CDH18: variants seen among roughly 807,000 people sequenced by gnomAD.
The protein encoded by CDH18 is cadherin-18.
Under a neutral mutation model 67.9 loss-of-function variants are expected in CDH18, and 31 were observed. That is an observed-to-expected ratio of 0.46 (90% CI 0.34 to 0.62). The LOEUF (loss-of-function observed/expected upper bound fraction) is 0.62. Ranked by LOEUF, CDH18 falls within the 20% of genes least tolerant of loss-of-function variation. The pLI is 0.01. For missense variants in CDH18, 890 were observed against 975.5 expected, an observed-to-expected ratio of 0.91 and a Z score of 1.17; for synonymous variants, 362 against 347.2, an observed-to-expected ratio of 1.04 and a Z score of -0.48.
chr5:20,333,901 TAA>T (rs67783370), intron 1 of CDH18, among the ~76,000 whole-genome samples: 95,103 of 151,558 alleles, frequency 0.63, 31,195 homozygotes, highest in Non-Finnish European at 0.73. Context: ...TAAAAAGACA[TAA>T]GTTATTCCTA....
intron 2 of CDH18, among the ~76,000 whole-genome samples, chr5:20,223,948 T>C (rs1741418636): frequency 1.3e-5 from 2 of 152,172 alleles, no homozygotes; most frequent in African/African-American, 2.4e-5. Context: ...TTGTCATTTC[T>C]GGATGAGAAA....
At chr5:20,199,063 G>A (rs1296337010) in intron 2 of CDH18, among the ~76,000 whole-genome samples, 7 of 152,188 alleles carry the variant, frequency 4.6e-5, no homozygotes, top group Non-Finnish European at 1.0e-4. Context: ...CTTTGCTAGG[G>A]CAATGCAGCA....
intron 4 of CDH18, 113 bp downstream of exon 4, chr5:19,746,829 A>G: frequency 1.2e-6 from 1 of 830,854 alleles, no homozygotes; most frequent in South Asian, 1.8e-5. Flanking sequence ...TTGAAACTTC[A>G]TATTTATATC....
intron 2 of CDH18, among the ~76,000 whole-genome samples, chr5:20,095,647 C>T (rs549258506): frequency 2.7e-4 from 41 of 150,414 alleles, no homozygotes; most frequent in Admixed American, 2.7e-3. Context: ...ACATTCATGG[C>T]CTGTAAATTT....
rs1342034985 is a variant in CDH18, at chr5:20,492,986, TA to T, written c.-580+82475del. 2.0e-5 allele frequency among the ~76,000 whole-genome samples: 3 copies of T among 152,264 alleles called. No individual in the cohort carries two copies. In the East Asian group the frequency reaches 5.8e-4, roughly 29 times the overall value. ...ACTTGAAACAGACTCTAGTAGATGA[TA>T]AAGAGTTAAAAACAGGATTATTTGT... On this transcript the variant is annotated intron_variant, in intron 1 of 14. Coordinates refer to the CDH18 transcript ENST00000507958.
At chr5:20,519,291 T>TA (rs1246606838) in intron 1 of CDH18, among the ~76,000 whole-genome samples, 3 of 152,110 alleles carry the variant, frequency 2.0e-5, no homozygotes, top group South Asian at 2.1e-4. Flanking sequence ...TATGCAGCCA[T>TA]AAAAAATGAT....
intron 9 of CDH18, among the ~76,000 whole-genome samples, chr5:19,535,877 A>G (rs1482483877): frequency 2.0e-5 from 3 of 152,200 alleles, no homozygotes; most frequent in Non-Finnish European, 4.4e-5. Flanking sequence ...TATCTATTAT[A>G]CAAGCAATGA....
chr5:19,747,973 C>T (rs1179247926), intron 3 of CDH18, among the ~76,000 whole-genome samples: 6 of 149,984 alleles, frequency 4.0e-5, no homozygotes, highest in Admixed American at 1.3e-4. Context: ...ACTAGCCGGG[C>T]GTGGTGGCGG....
intron 2 of CDH18, among the ~76,000 whole-genome samples, chr5:20,191,038 A>G (rs962357573): frequency 1.3e-5 from 2 of 152,072 alleles, no homozygotes; most frequent in African/African-American, 4.8e-5. Context: ...GAAGGCTCAC[A>G]TATTGTTCCA....
intron 2 of CDH18, among the ~76,000 whole-genome samples, chr5:20,253,790 T>A (rs903988675): frequency 6.6e-6 from 1 of 151,806 alleles, no homozygotes; most frequent in Non-Finnish European, 1.5e-5. Context: ...TTCCTGAGAG[T>A]GAAGGGGAGA....
intron 4 of CDH18, among the ~76,000 whole-genome samples, chr5:19,739,458 C>G (rs998632946): frequency 6.6e-6 from 1 of 152,122 alleles, no homozygotes; most frequent in Non-Finnish European, 1.5e-5. Flanking sequence ...GAGGGAGGCA[C>G]CTGCGCTGTT....
intron 5 of CDH18, among the ~76,000 whole-genome samples, chr5:19,621,948 G>C (rs1750785541): frequency 1.3e-5 from 2 of 152,114 alleles, no homozygotes; most frequent in Non-Finnish European, 2.9e-5. Context: ...AGAGTTGATG[G>C]AGCATATAGA....
chr5:20,165,285 G>A (rs1056705479), intron 2 of CDH18, among the ~76,000 whole-genome samples: 1 of 151,902 alleles, frequency 6.6e-6, no homozygotes, highest in East Asian at 1.9e-4. Flanking sequence ...TATGTTGATT[G>A]TTAATTACAG....
intron 5 of CDH18, among the ~76,000 whole-genome samples, chr5:19,673,987 C>T (rs1046181976): frequency 6.6e-6 from 1 of 151,914 alleles, no homozygotes; most frequent in Admixed American, 6.6e-5. Context: ...GTCACCTAAA[C>T]AAATCAAATT....
intron 1 of CDH18, among the ~76,000 whole-genome samples, chr5:20,403,442 A>T (rs1274095564): frequency 2.0e-5 from 3 of 152,220 alleles, no homozygotes; most frequent in African/African-American, 7.2e-5. Context: ...ATAATAAAAA[A>T]TTGAAAGTTG....
chr5:19,759,221 G>T lies in CDH18; in HGVS notation c.229-11985C>A, dbSNP rs181005310. On this transcript the variant is annotated intron_variant, in intron 3 of 12. Transcript: ENST00000382275. The stretch of plus-strand genomic sequence containing the variant: ...ATAATAATCCACTCTCATTCTCCAA[G>T]ATCCACCTGTTTTCTGCACAGGCCA... Among the ~76,000 whole-genome samples, 397 of 152,322 alleles carry T rather than the reference G, an allele frequency of 2.6e-3. 2 individuals are homozygous for T. Among genetic ancestry groups the T allele is most frequent in the African/African-American group, 9.0e-3 (373 of 41,590 alleles).
chr5:20,399,438 A>G (rs1745571293), intron 1 of CDH18, among the ~76,000 whole-genome samples: 1 of 152,218 alleles, frequency 6.6e-6, no homozygotes, highest in Non-Finnish European at 1.5e-5. Flanking sequence ...GGTAGAATTA[A>G]TATAAATGTG....
chr5:19,701,261 C>T (rs542424404), intron 5 of CDH18, among the ~76,000 whole-genome samples: 2 of 152,218 alleles, frequency 1.3e-5, no homozygotes, highest in South Asian at 4.1e-4. Context: ...CTGTATATAT[C>T]TCCTGAAAAA....
intron 2 of CDH18, among the ~76,000 whole-genome samples, chr5:20,109,475 G>A (rs528065473): frequency 6.6e-6 from 1 of 152,238 alleles, no homozygotes; most frequent in East Asian, 1.9e-4. Flanking sequence ...AGACTTATAC[G>A]GCAACACTCT....
Sources: gnomAD v4.1 joint callset for allele counts (sites outside exome capture counted in the v4.1 genomes callset) on GRCh38, gnomAD v4.1.1 for gene constraint, MANE v1.5 for transcripts, NCBI Gene and HGNC (gene_info 2026-07-23, HGNC 2026-07-21) for gene names.